Variants in UBA6 observed in about 807,000 individuals in gnomAD.
UBA6 encodes the protein ubiquitin like modifier activating enzyme 6, also known as ubiquitin-like modifier-activating enzyme 6.
In UBA6, 87 loss-of-function variants were observed where a neutral mutation model predicts 148.3. That is an observed-to-expected ratio of 0.59 (90% CI 0.49 to 0.70). The LOEUF (loss-of-function observed/expected upper bound fraction) is 0.70, where lower values mean the gene tolerates loss of function less well. Among genes scored for constraint, UBA6 ranks in the 30% least tolerant of loss-of-function variants. UBA6 has a pLI of 0.00. For synonymous variants in UBA6, 376 were observed against 401.0 expected (o/e 0.94, Z 0.75); for missense variants, 1,186 against 1,241.2 (o/e 0.96, Z 0.67).
rs913026453 is a variant in UBA6, at chr4:67,633,470, T to A, written c.2017A>T (p.Ile673Leu). 2 of 1,584,366 alleles carry A rather than the reference T, an allele frequency of 1.3e-6. No homozygotes were observed. The highest frequency in any genetic ancestry group is 1.4e-5 in the African/African-American group (1 of 73,060). The part of the protein sequence containing the change: ...YSSAEEVLQK[I>L]QSGHSLEGCF... ...CCTTCTAAACTGTGTCCACTCTGTATCTTCTAGAATGGGAGAGAAAAAAAA... is the reference window on the plus strand; with the variant it reads ...CCTTCTAAACTGTGTCCACTCTGTAACTTCTAGAATGGGAGAGAAAAAAAA... The change falls in exon 23 of 33, where the codon ATA becomes TTA. Residue 673 changes from isoleucine to leucine, a missense_variant. By Grantham distance (5) the Ile-to-Leu change is conservative. Transcript: ENST00000322244.
Position 67,677,643 on chromosome 4 carries a change from T to C in UBA6, c.433A>G (p.Thr145Ala). 1 of 1,597,282 alleles carries C rather than the reference T, an allele frequency of 6.3e-7. No homozygotes were observed. Among genetic ancestry groups the C allele is most frequent in the Non-Finnish European group, 8.6e-7 (1 of 1,166,718 alleles). Residue 145 changes from threonine (T) to alanine (A), a missense_variant, in exon 6 of 33, where the codon ACC becomes GCC. Thr to Ala is a moderately conservative substitution (Grantham distance 58). Coordinates refer to ENST00000322244, the MANE Select transcript of UBA6 (RefSeq NM_018227.6). ...TTATCTAAAAAGGAGAGATCTGTGGTCTCATTGAAAGGAACAGAAGATGAT... is the reference window on the plus strand; with the variant it reads ...TTATCTAAAAAGGAGAGATCTGTGGCCTCATTGAAAGGAACAGAAGATGAT... Reference protein sequence around the residue: ...VTSSSVPFNETTDLSFLDKYQ... With the variant: ...VTSSSVPFNEATDLSFLDKYQ...
At chr4:67,652,750 C>G (rs1729583645) in intron 13 of UBA6, among the ~76,000 whole-genome samples, 3 of 152,220 alleles carry the variant, frequency 2.0e-5, no homozygotes, top group Admixed American at 2.0e-4. Context: ...CACAAGGGGT[C>G]AGGGGATTTC....
chr4:67,688,286 C>A (rs1730617361), intron 2 of UBA6, among the ~76,000 whole-genome samples: 1 of 152,082 alleles, frequency 6.6e-6, no homozygotes. Flanking sequence ...GCTAGAAAAC[C>A]AAGCCTGGAG....
chr4:67,623,123 A>C lies in UBA6; in HGVS notation c.2928+12T>G, dbSNP rs528191582. 1 of 1,599,180 alleles carries C rather than the reference A, an allele frequency of 6.3e-7. No individual in the cohort carries two copies. The highest frequency in any genetic ancestry group is 1.3e-5 in the African/African-American group (1 of 74,594). ...AAGCTACTAATGAACTAAATGAACA[A>C]AAGTATCTCACTTTGACTGCATTTA... is the stretch of plus-strand genomic sequence containing the variant. On this transcript the variant is annotated intron_variant, in intron 31 of 32. Transcript: ENST00000322244.
chr4:67,700,926 G>A (rs976350761), intron 1 of UBA6, 123 bp downstream of exon 1: 7 of 1,229,682 alleles, frequency 5.7e-6, no homozygotes, highest in East Asian at 2.5e-5. Flanking sequence ...CGCCTCCCAG[G>A]GCCGGCTCTG....
At chr4:67,655,414 C>T (rs1461197299) in intron 13 of UBA6, among the ~76,000 whole-genome samples, 1 of 152,126 alleles carries the variant, frequency 6.6e-6, no homozygotes, top group African/African-American at 2.4e-5. Flanking sequence ...TACATGGAAA[C>T]TGAACAACCT....
Position 67,634,324 on chromosome 4 carries a change from T to C in UBA6, c.1933-2A>G. 6.3e-7 allele frequency: 1 copy of C among 1,579,808 alleles called. No individual in the cohort carries two copies. The highest frequency in any genetic ancestry group is 8.5e-7 in the Non-Finnish European group (1 of 1,170,864). ...TTTGTGGGAAAAGGAACTTTCAAAC[T>C]GTAACAGAGAAAAGAAAAAAAAAAT... On this transcript the variant is annotated splice_acceptor_variant, in intron 21 of 32. Transcript: ENST00000322244. LOFTEE classifies it high-confidence loss of function.
intron 32 of UBA6, 53 bp downstream of exon 32, chr4:67,622,778 T>C: frequency 7.7e-7 from 1 of 1,295,304 alleles, no homozygotes; most frequent in Non-Finnish European, 1.1e-6. Flanking sequence ...TTAGTGTGCA[T>C]CAACTTACAT....
chr4:67,665,431 GTT>G (rs71269059), intron 9 of UBA6, 139 bp from the exon 10 acceptor site: 2,438 of 339,272 alleles, frequency 7.2e-3, no homozygotes, highest in South Asian at 0.011. Flanking sequence ...TTGTTTGTTT[GTT>G]TTTTTTTTTT....
intron 19 of UBA6, among the ~76,000 whole-genome samples, chr4:67,637,200 A>G (rs1729176900): frequency 6.7e-6 from 1 of 148,190 alleles, no homozygotes; most frequent in African/African-American, 2.5e-5. Context: ...CCACCCGGCC[A>G]GCCGCCCCGT....
intron 17 of UBA6, among the ~76,000 whole-genome samples, chr4:67,641,714 A>G (rs547536408): frequency 1.3e-4 from 19 of 151,908 alleles, no homozygotes; most frequent in African/African-American, 4.6e-4. Context: ...TTGTAACTAA[A>G]GTTTTATTGA....
intron 10 of UBA6, among the ~76,000 whole-genome samples, chr4:67,664,907 A>G (rs1729953863): frequency 6.6e-6 from 1 of 152,144 alleles, no homozygotes; most frequent in African/African-American, 2.4e-5. Context: ...TTGATAATTC[A>G]CAAAGATACA....
chr4:67,644,766 C>G lies in UBA6; in HGVS notation c.1408G>C (p.Ala470Pro). Residue 470 changes from alanine to proline, a missense_variant, in exon 17 of 33, where the codon GCC (alanine) becomes CCC (proline). By Grantham distance (27) the Ala-to-Pro change is conservative (BLOSUM62 -1). Transcript: ENST00000322244. ...NLNIFLVGCG[A>P]IGCEMLKNFA... ...TTTTTCAACATTTCACAGCCTATGG[C>G]TCCACACCCTACCTATGGAGGAGAA... 1 of 1,603,442 alleles carries G rather than the reference C, an allele frequency of 6.2e-7. No individual in the cohort carries two copies. The highest frequency in any genetic ancestry group is 8.5e-7 in the Non-Finnish European group (1 of 1,170,604).
chr4:67,645,449 A>G (rs1349939336), intron 16 of UBA6, among the ~76,000 whole-genome samples: 1 of 152,068 alleles, frequency 6.6e-6, no homozygotes, highest in Non-Finnish European at 1.5e-5. Context: ...AAATACAAAA[A>G]TTACCTGGGC....
intron 6 of UBA6, 74 bp from the exon 7 acceptor site, chr4:67,673,851 T>C (rs573595447): frequency 2.8e-6 from 3 of 1,075,268 alleles, no homozygotes; most frequent in East Asian, 5.1e-5. Flanking sequence ...ATCAGAAGCA[T>C]GTCAGTTTGC....
intron 5 of UBA6, 36 bp downstream of exon 5, chr4:67,678,402 TA>T (rs139100167): frequency 8.2e-6 from 11 of 1,334,858 alleles, no homozygotes; most frequent in African/African-American, 3.0e-5. Context: ...TAAATAAATT[TA>T]AAAAAACTCA....
At chr4:67,701,012 C>A in intron 1 of UBA6, 37 bp downstream of exon 1, 16 of 1,606,768 alleles carry the variant, frequency 1.0e-5, no homozygotes, top group Non-Finnish European at 1.4e-5. Flanking sequence ...TGGGTCCCAC[C>A]CGCGACCCCT....
Position 67,701,152 on chromosome 4 carries a change from A to G in UBA6, c.-33T>C, listed in dbSNP as rs754011481. The G allele has an allele frequency of 1.6e-5, 25 of 1,528,578 alleles. No individual in the cohort carries two copies. The East Asian group carries it at 6.1e-4, about 37-fold the overall frequency. The allele number at this position is 1,528,578 out of a possible 1,614,324, so 94.7% of individuals were successfully genotyped here. A position where few individuals can be genotyped will look rare whatever the true frequency, so the allele number is the denominator to read the frequency against. On this transcript the variant is annotated 5_prime_UTR_variant, in exon 1 of 33. Coordinates refer to ENST00000322244, the MANE Select transcript of UBA6 (RefSeq NM_018227.6). ...TGAGACACCGCCGCCGGCTACTGGA[A>G]GGTAGGAAGGGGCGGGACCGTGGGG...
chr4:67,701,139 G>A lies in UBA6; in HGVS notation c.-20C>T, dbSNP rs576133516. ...TTCCATTGCCGCCTGAGACACCGCC[G>A]CCGGCTACTGGAAGGTAGGAAGGGG... On this transcript the variant is annotated 5_prime_UTR_variant, in exon 1 of 33. Transcript: ENST00000322244. The A allele has an allele frequency of 7.5e-6, 12 of 1,610,434 alleles. No individual in the cohort carries two copies. The highest frequency in any genetic ancestry group is 3.3e-5 in the South Asian group (3 of 91,012).
Sources: gnomAD v4.1 joint callset for allele counts (sites outside exome capture counted in the v4.1 genomes callset) on GRCh38, gnomAD v4.1.1 for gene constraint, MANE v1.5 for transcripts, NCBI Gene and HGNC (gene_info 2026-07-23, HGNC 2026-07-21) for gene names.